The following RPL31 variants were observed in gnomAD, a reference collection of about 807,000 sequenced individuals.
RPL31 encodes the protein ribosomal protein L31.
For synonymous variants in RPL31, 51 were observed against 55.0 expected, an observed-to-expected ratio of 0.93 and a Z score of 0.32; for missense variants, 95 against 164.0, an observed-to-expected ratio of 0.58 and a Z score of 2.30.
chr2:101,005,253 AGG>A (rs1377380213), intron 3 of RPL31: 1 of 152,432 alleles, frequency 6.6e-6, no homozygotes, highest in Non-Finnish European at 1.5e-5. Context: ...AGACAGGACA[AGG>A]GGATTGCATG....
chr2:101,009,150 T>C (rs1678981732), downstream of RPL31, among the ~76,000 whole-genome samples: 1 of 151,544 alleles, frequency 6.6e-6, no homozygotes, highest in South Asian at 2.1e-4. Flanking sequence ...TCCCAGCACT[T>C]TGGGAGGCCA....
chr2:101,008,822 A>AAAAT (rs1430252243), downstream of RPL31, among the ~76,000 whole-genome samples: 2 of 152,018 alleles, frequency 1.3e-5, no homozygotes, highest in African/African-American at 2.4e-5. Flanking sequence ...AAAAAAAAAA[A>AAAAT]AATGAAACCA....
chr2:101,017,003 C>T (rs1679697979), intron 4 of RPL31, among the ~76,000 whole-genome samples: 1 of 151,612 alleles, frequency 6.6e-6, no homozygotes, highest in Non-Finnish European at 1.5e-5. Flanking sequence ...TGCAGCACAC[C>T]AGCATGGCAC....
intron 4 of RPL31, among the ~76,000 whole-genome samples, chr2:101,015,804 G>GA (rs1413518992): frequency 6.6e-6 from 1 of 152,098 alleles, no homozygotes; most frequent in Non-Finnish European, 1.5e-5. Context: ...ACAAACCTGA[G>GA]AAAAACAAGC....
At chr2:101,009,856 C>G (rs1228620808), downstream of RPL31, among the ~76,000 whole-genome samples, 5 of 147,274 alleles carry the variant, frequency 3.4e-5, no homozygotes, top group South Asian at 2.1e-4. Flanking sequence ...GAGTCTCGCT[C>G]TGTCGCCCAG....
rs1558622351 is a variant in RPL31 at position 101,017,791 on chromosome 2, AG to A, written c.347-1205del. On this transcript the variant is annotated intron_variant, in intron 4 of 4. Coordinates refer to the RPL31 transcript ENST00000409028. ...ATGTTACCAAAATCTTGACAAGCTC[AG>A]GACTTTTTAATATTAGTTTTCATAC... 5 of 1,527,130 alleles carry A rather than the reference AG, an allele frequency of 3.3e-6. No individual in the cohort carries two copies. In the East Asian group the frequency reaches 1.2e-4, roughly 37 times the overall value. 94.6% of individuals were successfully genotyped at this position (1,527,130 alleles called of 1,614,324 possible). A position where few individuals can be genotyped will look rare whatever the true frequency, so the allele number is the denominator to read the frequency against.
chr2:101,004,049 T>C, intron 2 of RPL31, 109 bp from the exon 3 acceptor site: 1 of 1,276,640 alleles, frequency 7.8e-7, no homozygotes, highest in African/African-American at 1.5e-5. Context: ...ACATAAGACA[T>C]TGCTTAAAGT....
intron 4 of RPL31, among the ~76,000 whole-genome samples, chr2:101,017,565 A>G (rs1040117823): frequency 6.6e-6 from 1 of 152,180 alleles, no homozygotes; most frequent in Admixed American, 6.5e-5. Context: ...GAACGTCCCT[A>G]TGTGGCACAC....
intron 1 of RPL31, 176 bp from the exon 2 acceptor site, chr2:101,002,526 G>A (rs1678579038): frequency 3.2e-6 from 2 of 618,666 alleles, no homozygotes. Flanking sequence ...TTTCCGGGTC[G>A]GAGGCATCTG....
chr2:101,002,635 C>A, intron 1 of RPL31, 67 bp from the exon 2 acceptor site: 1 of 1,302,714 alleles, frequency 7.7e-7, no homozygotes, highest in Non-Finnish European at 1.1e-6. Flanking sequence ...CAGCGTGAGG[C>A]TGGGAGGGAG....
At chr2:101,018,643 A>G (rs1260439915) in intron 4 of RPL31, among the ~76,000 whole-genome samples, 1 of 152,236 alleles carries the variant, frequency 6.6e-6, no homozygotes, top group East Asian at 1.9e-4. Flanking sequence ...TGAATAAAAT[A>G]GCATATTCCC....
intron 4 of RPL31, among the ~76,000 whole-genome samples, chr2:101,014,649 T>C (rs995257926): frequency 6.6e-6 from 1 of 152,222 alleles, no homozygotes; most frequent in African/African-American, 2.4e-5. Flanking sequence ...ATTCCCATTA[T>C]TAGTTTGGTC....
Position 101,006,463 on chromosome 2 carries a change from T to C in RPL31, c.*82T>C. The C allele has an allele frequency of 7.9e-7, 1 of 1,268,830 alleles. No homozygotes were observed. Among genetic ancestry groups the C allele is most frequent in the Non-Finnish European group, 1.1e-6 (1 of 911,456 alleles). 78.6% of individuals were successfully genotyped at this position (1,268,830 alleles called of 1,614,324 possible). On this transcript the variant is annotated 3_prime_UTR_variant, in exon 5 of 5. Transcript: ENST00000264258. ...TTAGTTGCAACATAATGTACTTGTA[T>C]ACCCTATCCTAATTATGGGATCATT... is the stretch of plus-strand genomic sequence containing the variant.
chr2:101,013,796 C>T (rs773509706), intron 4 of RPL31, among the ~76,000 whole-genome samples: 21 of 152,228 alleles, frequency 1.4e-4, no homozygotes, highest in Non-Finnish European at 2.5e-4. Flanking sequence ...TGGCTTTGAA[C>T]ACAATCTGGC....
intron 4 of RPL31, among the ~76,000 whole-genome samples, chr2:101,013,283 T>C (rs948983269): frequency 9.2e-5 from 14 of 152,208 alleles, no homozygotes; most frequent in African/African-American, 3.4e-4. Context: ...CTATTGATGA[T>C]CAGAAGGATA....
chr2:101,008,829 A>G (rs2105355283), downstream of RPL31, among the ~76,000 whole-genome samples: 1 of 152,162 alleles, frequency 6.6e-6, no homozygotes, highest in East Asian at 1.9e-4. Context: ...AAAAAATGAA[A>G]CCACAGCAAC....
At chr2:101,004,393 A>C (rs1678642170) in intron 3 of RPL31, 110 bp downstream of exon 3, 1 of 1,154,116 alleles carries the variant, frequency 8.7e-7, no homozygotes, top group Non-Finnish European at 1.2e-6. Context: ...ATGTGGAAGT[A>C]TAAAAAAAAA....
At chr2:101,013,402 T>C (rs1253773418) in intron 4 of RPL31, among the ~76,000 whole-genome samples, 4 of 152,234 alleles carry the variant, frequency 2.6e-5, no homozygotes, top group Non-Finnish European at 5.9e-5. Flanking sequence ...CATGACCTTA[T>C]TTTTCATTCC....
downstream of RPL31, among the ~76,000 whole-genome samples, chr2:101,008,877 T>C (rs961825073): frequency 4.6e-5 from 7 of 152,174 alleles, no homozygotes; most frequent in South Asian, 2.1e-4. Flanking sequence ...AGCTAGAGTT[T>C]ATAATAGGAA....
Sources: allele counts gnomAD v4.1 joint callset (sites outside exome capture counted in the v4.1 genomes callset), GRCh38; gene constraint gnomAD v4.1.1; transcripts MANE v1.5; gene names NCBI Gene and HGNC (gene_info 2026-07-23, HGNC 2026-07-21).